The following GSTA2 variants were observed in gnomAD, a reference collection of about 807,000 sequenced individuals.
GSTA2 encodes glutathione S-transferase alpha 2.
Under a neutral mutation model 22.4 loss-of-function variants are expected in GSTA2, and 27 were observed. That is an observed-to-expected ratio of 1.21 (90% confidence interval 0.89 to 1.67). The LOEUF (loss-of-function observed/expected upper bound fraction) is 1.67. Among genes scored for constraint, GSTA2 ranks in the 40% most tolerant of loss-of-function variants. The pLI, the probability that GSTA2 is intolerant of heterozygous loss-of-function variation, is 0.00. For synonymous variants in GSTA2, 121 were observed against 86.8 expected, an observed-to-expected ratio of 1.39 and a Z score of -2.19; for missense variants, 302 against 260.2, an observed-to-expected ratio of 1.16 and a Z score of -1.11.
At chr6:52,752,404 A>C (rs919993190) in intron 5 of GSTA2, among the ~76,000 whole-genome samples, 11 of 152,176 alleles carry the variant, frequency 7.2e-5, no homozygotes, top group African/African-American at 2.7e-4. Flanking sequence ...TTTAAAAAAT[A>C]CTGATCCCTG....
rs374454881 is a variant in GSTA2 at position 52,750,542 on chromosome 6, G to T, written c.*35C>A. The stretch of plus-strand genomic sequence containing the variant: ...AATTGTTGCAAAACTTTAGAATACT[G>T]GTCTTGCATGTTCTTGACCTCTATG... On this transcript the variant is annotated 3_prime_UTR_variant, in exon 7 of 7. Coordinates refer to ENST00000493422, the MANE Select transcript of GSTA2 (RefSeq NM_000846.5). 4.4e-6 allele frequency: 7 copies of T among 1,607,148 alleles called. No individual in the cohort carries two copies. The highest frequency in any genetic ancestry group is 3.4e-6 in the Non-Finnish European group (4 of 1,175,076).
Position 52,755,048 on chromosome 6 carries a change from G to C in GSTA2, c.167C>G (p.Pro56Arg). 1.2e-6 allele frequency: 2 copies of C among 1,613,926 alleles called. No individual in the cohort carries two copies. Among genetic ancestry groups the C allele is most frequent in the Non-Finnish European group, 1.7e-6 (2 of 1,180,000 alleles). Residue 56 changes from proline to arginine, a missense_variant, in exon 4 of 7, where the codon CCA (proline) becomes CGA (arginine). Coordinates refer to ENST00000493422, the MANE Select transcript of GSTA2 (RefSeq NM_000846.5). ...NDGYLMFQQVPMVEIDGMKLV... is the reference protein window; with the variant it reads ...NDGYLMFQQVRMVEIDGMKLV... ...CTTCATCCCATCAATCTCAACCATT[G>C]GCACTTGCTGGAACATCAAATATCC...
At position 52,751,718 on chromosome 6, in the gene GSTA2, G is replaced by A; in HGVS notation, c.415-10C>T. On this transcript the variant is annotated splice_polypyrimidine_tract_variant and intron_variant, in intron 5 of 6. Transcript: ENST00000493422. ...CGTGGCTCTTTAAGACCTGGAGAATGGGAGGAATCAGATCAGGAACACATG... is the reference window on the plus strand; with the variant it reads ...CGTGGCTCTTTAAGACCTGGAGAATAGGAGGAATCAGATCAGGAACACATG... 1 of 1,614,122 alleles carries A rather than the reference G, an allele frequency of 6.2e-7. No individual in the cohort carries two copies. The highest frequency in any genetic ancestry group is 8.5e-7 in the Non-Finnish European group (1 of 1,179,960).
intron 1 of GSTA2, among the ~76,000 whole-genome samples, chr6:52,760,182 T>C (rs762590929): frequency 7.9e-5 from 12 of 152,244 alleles, no homozygotes; most frequent in Non-Finnish European, 1.6e-4. Context: ...TTAATTGTTA[T>C]GTACTAGAGT....
At position 52,754,933 on chromosome 6, in the gene GSTA2, T is replaced by C. The variant is rs753937648; in HGVS notation, c.272+10A>G. ...TCTCTGTGGATGGAAGAACAGAAAA[T>C]ATACCGTACAGGGCTTTCTCCTTTA... On this transcript the variant is annotated intron_variant, in intron 4 of 6. Transcript: ENST00000493422. 28 of 1,612,502 alleles carry C rather than the reference T, an allele frequency of 1.7e-5. No homozygotes were observed. The African/African-American group carries it at 2.0e-4, about 12-fold the overall frequency.
At chr6:52,759,771 A>G (rs1386966939) in intron 1 of GSTA2, among the ~76,000 whole-genome samples, 2 of 151,490 alleles carry the variant, frequency 1.3e-5, no homozygotes, top group Non-Finnish European at 2.9e-5. Context: ...TTTAGTGAAG[A>G]CAGGGTTTCA....
At chr6:52,758,700 G>A (rs752122225) in intron 1 of GSTA2, among the ~76,000 whole-genome samples, 12 of 152,218 alleles carry the variant, frequency 7.9e-5, no homozygotes, top group Non-Finnish European at 1.5e-4. Context: ...AAGAGACAGA[G>A]ATTGTTTATC....
intron 4 of GSTA2, among the ~76,000 whole-genome samples, chr6:52,754,480 A>C (rs541353358): frequency 9.9e-5 from 15 of 152,110 alleles, no homozygotes; most frequent in East Asian, 7.7e-4. Context: ...AGTTGATATA[A>C]TTGGTTGGTA....
chr6:52,762,780 G>C (rs1762973840), intron 1 of GSTA2, among the ~76,000 whole-genome samples: 1 of 152,216 alleles, frequency 6.6e-6, no homozygotes, highest in African/African-American at 2.4e-5. Context: ...CAGGTGTGGA[G>C]GGGCAGGCCA....
intron 1 of GSTA2, among the ~76,000 whole-genome samples, chr6:52,760,908 A>G (rs1259540807): frequency 6.6e-6 from 1 of 152,168 alleles, no homozygotes; most frequent in African/African-American, 2.4e-5. Context: ...ATTTACATCA[A>G]TTAAAAAATG....
intron 2 of GSTA2, among the ~76,000 whole-genome samples, chr6:52,757,643 G>T (rs1762869820): frequency 2.0e-5 from 3 of 152,136 alleles, no homozygotes; most frequent in Admixed American, 1.3e-4. Context: ...TCTGCACTTT[G>T]TGATTAGTGT....
At chr6:52,754,769 C>A (rs889140363) in intron 4 of GSTA2, among the ~76,000 whole-genome samples, 174 bp downstream of exon 4, 1 of 152,150 alleles carries the variant, frequency 6.6e-6, no homozygotes, top group Non-Finnish European at 1.5e-5. Context: ...GAACCCTCCC[C>A]ATGTTCACTG....
chr6:52,759,579 T>G (rs1411317209), intron 1 of GSTA2, among the ~76,000 whole-genome samples: 2,053 of 119,952 alleles, frequency 0.017, 110 homozygotes, highest in African/African-American at 0.065. Flanking sequence ...TTTTTTTTTT[T>G]TTTTTTTTTT....
chr6:52,751,515 G>T, intron 6 of GSTA2, 62 bp downstream of exon 6: 6 of 1,611,056 alleles, frequency 3.7e-6, no homozygotes, highest in Non-Finnish European at 4.2e-6. Context: ...CCAGGGCCCA[G>T]ATACAAGATC....
intron 1 of GSTA2, among the ~76,000 whole-genome samples, chr6:52,760,947 C>T (rs1762940625): frequency 6.6e-6 from 1 of 152,126 alleles, no homozygotes; most frequent in African/African-American, 2.4e-5. Flanking sequence ...TATAAGGTCT[C>T]ATATTTCCAG....
intron 1 of GSTA2, among the ~76,000 whole-genome samples, chr6:52,761,647 G>C (rs1255518380): frequency 6.6e-6 from 1 of 150,442 alleles, no homozygotes; most frequent in Non-Finnish European, 1.5e-5. Flanking sequence ...TCCAAGCAGT[G>C]GGGCACATCG....
intron 2 of GSTA2, among the ~76,000 whole-genome samples, chr6:52,756,811 T>G (rs189508097): frequency 0.018 from 2,721 of 152,360 alleles, 86 homozygotes; most frequent in African/African-American, 0.061. Context: ...TCGCCACTGT[T>G]GCACAGCTTT....
At chr6:52,752,122 A>G (rs942761116) in intron 5 of GSTA2, among the ~76,000 whole-genome samples, 14 of 152,110 alleles carry the variant, frequency 9.2e-5, no homozygotes, top group Non-Finnish European at 8.8e-5. Context: ...CACCATCGTG[A>G]CAACACTCTT....
Position 52,757,959 on chromosome 6 carries a change from C to G in GSTA2, c.-12G>C. On this transcript the variant is annotated 5_prime_UTR_variant, in exon 2 of 7. Coordinates refer to ENST00000493422, the MANE Select transcript of GSTA2 (RefSeq NM_000846.5). Reference sequence around the variant, plus strand: ...GGCTTCTCTGCCATGGTAGCAGTCTCCTGGAGGTTTCTCTAAGCCTGAGTG... The same window carrying G: ...GGCTTCTCTGCCATGGTAGCAGTCTGCTGGAGGTTTCTCTAAGCCTGAGTG... 1 of 1,598,748 alleles carries G rather than the reference C, an allele frequency of 6.3e-7. No individual in the cohort carries two copies.
Sources: gnomAD v4.1 joint callset for allele counts (sites outside exome capture counted in the v4.1 genomes callset) on GRCh38, gnomAD v4.1.1 for gene constraint, MANE v1.5 for transcripts, NCBI Gene and HGNC (gene_info 2026-07-23, HGNC 2026-07-21) for gene names.